The following RHBDL3 variants were observed in gnomAD, a reference collection of about 807,000 sequenced individuals.
RHBDL3 encodes the protein rhomboid-related protein 3.
Under a neutral mutation model 48.2 loss-of-function variants are expected in RHBDL3, and 28 were observed. That is an observed-to-expected ratio of 0.58 (90% CI 0.43 to 0.80). RHBDL3 has a LOEUF of 0.80. Among genes scored for constraint, RHBDL3 ranks in the 30% least tolerant of loss-of-function variants. The pLI is 0.00. For missense variants in RHBDL3, 464 were observed against 542.7 expected, an observed-to-expected ratio of 0.85 and a Z score of 1.44; for synonymous variants, 208 against 232.3, an observed-to-expected ratio of 0.90 and a Z score of 0.95.
At chr17:32,293,505 C>T (rs144118705) in intron 4 of RHBDL3, among the ~76,000 whole-genome samples, 2,429 of 151,524 alleles carry the variant, frequency 0.016, 65 homozygotes, top group African/African-American at 0.056. Context: ...TCGCTTGAAC[C>T]CGGGAGGCGG....
intron 2 of RHBDL3, among the ~76,000 whole-genome samples, chr17:32,272,490 A>G (rs12944129): frequency 0.024 from 3,601 of 152,258 alleles, 128 homozygotes; most frequent in African/African-American, 0.082. Context: ...AGAACTCACA[A>G]TTAACCAGCA....
intron 7 of RHBDL3, among the ~76,000 whole-genome samples, chr17:32,309,547 T>C (rs2040790994): frequency 6.6e-6 from 1 of 151,892 alleles, no homozygotes; most frequent in Admixed American, 6.6e-5. Flanking sequence ...AGCGAAACTC[T>C]GTCTCAAAAA....
chr17:32,277,560 C>T (rs1454343191), intron 2 of RHBDL3, among the ~76,000 whole-genome samples: 1 of 152,246 alleles, frequency 6.6e-6, no homozygotes, highest in East Asian at 1.9e-4. Flanking sequence ...TCAGCCTCTT[C>T]TGAGGCCTGG....
At chr17:32,277,292 G>A (rs2039935922) in intron 2 of RHBDL3, among the ~76,000 whole-genome samples, 1 of 152,250 alleles carries the variant, frequency 6.6e-6, no homozygotes, top group African/African-American at 2.4e-5. Flanking sequence ...GACCAGACGT[G>A]TGTTTGCCCT....
chr17:32,272,988 A>G (rs1567761046), intron 2 of RHBDL3, among the ~76,000 whole-genome samples: 5 of 151,994 alleles, frequency 3.3e-5, no homozygotes, highest in Admixed American at 2.6e-4. Flanking sequence ...CAGTCTGCTC[A>G]TTTTGTTTTT....
chr17:32,266,168 G>T lies in RHBDL3; in HGVS notation c.-22G>T. 9.4e-7 allele frequency: 1 copy of T among 1,066,264 alleles called. No individual in the cohort carries two copies. The highest frequency in any genetic ancestry group is 1.2e-6 in the Non-Finnish European group (1 of 851,482). 66.1% of individuals were successfully genotyped at this position (1,066,264 alleles called of 1,614,324 possible). A position where few individuals can be genotyped will look rare whatever the true frequency, so the allele number is the denominator to read the frequency against. ...CGGGACGAGCCCCGCAGCCGCCGCC[G>T]CCCCCGGACCCCGTCTCGGCCATGG... On this transcript the variant is annotated 5_prime_UTR_variant, in exon 1 of 9. Transcript: ENST00000269051.
chr17:32,282,226 T>C (rs1340066452), intron 2 of RHBDL3, among the ~76,000 whole-genome samples: 1 of 152,210 alleles, frequency 6.6e-6, no homozygotes, highest in Non-Finnish European at 1.5e-5. Context: ...ATGTCATCCA[T>C]GAAACCTGGC....
chr17:32,294,392 G>A lies in RHBDL3; in HGVS notation c.618G>A (p.Gln206=), dbSNP rs900637169. Residue 206 remains glutamine, a synonymous_variant, in exon 5 of 9, where the codon CAG becomes CAA. Coordinates refer to ENST00000269051, the MANE Select transcript of RHBDL3 (RefSeq NM_138328.3). ...YLKNSLVYHP[Q]LRAQVWRYLT... The stretch of plus-strand genomic sequence containing the variant: ...AGAACTCCCTGGTTTACCACCCACA[G>A]CTGCGAGCACAGGTTTGGCGCTACC... 1.2e-6 allele frequency: 2 copies of A among 1,614,060 alleles called. No homozygotes were observed. The highest frequency in any genetic ancestry group is 2.7e-5 in the African/African-American group (2 of 74,928).
chr17:32,287,558 G>C (rs1449746969), intron 3 of RHBDL3, among the ~76,000 whole-genome samples: 1 of 152,128 alleles, frequency 6.6e-6, no homozygotes, highest in Non-Finnish European at 1.5e-5. Context: ...GAGGTGGGGG[G>C]ACCCTATAGA....
chr17:32,321,463 A>C lies in RHBDL3; in HGVS notation c.*234A>C. ...CGTTTTTCTCGGCTGCTCTGATGAC[A>C]TCGGGCCAGGGTGAAGGTCTGGGGT... On this transcript the variant is annotated 3_prime_UTR_variant, in exon 9 of 9. Transcript: ENST00000269051. The C allele has an allele frequency of 2.4e-6, 3 of 1,224,696 alleles. No individual in the cohort carries two copies. The highest frequency in any genetic ancestry group is 2.2e-6 in the Non-Finnish European group (2 of 889,036). 75.9% of individuals were successfully genotyped at this position (1,224,696 alleles called of 1,614,324 possible).
chr17:32,305,239 TC>T (rs1597672729), intron 6 of RHBDL3, 101 bp from the exon 7 acceptor site: 11 of 786,202 alleles, frequency 1.4e-5, no homozygotes, highest in Middle Eastern at 2.3e-4. Context: ...AGCGTCTTGC[TC>T]TGGAGTCTTA....
intron 7 of RHBDL3, among the ~76,000 whole-genome samples, chr17:32,307,691 G>A (rs1208714112): frequency 1.3e-5 from 2 of 152,172 alleles, no homozygotes; most frequent in Non-Finnish European, 2.9e-5. Flanking sequence ...GTGTGTGCAG[G>A]TGTGTTTGCA....
At chr17:32,298,945 A>C (rs939179483) in intron 6 of RHBDL3, among the ~76,000 whole-genome samples, 4 of 151,964 alleles carry the variant, frequency 2.6e-5, no homozygotes, top group Non-Finnish European at 5.9e-5. Flanking sequence ...AGGTGGGTGA[A>C]GTTAGCTGGG....
intron 7 of RHBDL3, among the ~76,000 whole-genome samples, chr17:32,315,990 T>C (rs2040964051): frequency 6.6e-6 from 1 of 152,028 alleles, no homozygotes; most frequent in Non-Finnish European, 1.5e-5. Context: ...ACAGGGCCTC[T>C]CCTCTTCCTA....
chr17:32,267,700 C>G, intron 1 of RHBDL3: 1 of 1,085,800 alleles, frequency 9.2e-7, no homozygotes, highest in South Asian at 2.5e-5. Flanking sequence ...TTTCCTCCCT[C>G]TGCTCAGTGT....
At chr17:32,271,672 G>A (rs987316008) in intron 2 of RHBDL3, among the ~76,000 whole-genome samples, 2 of 152,180 alleles carry the variant, frequency 1.3e-5, no homozygotes, top group African/African-American at 4.8e-5. Flanking sequence ...GAACAAAAGA[G>A]TTTGGAGCAG....
chr17:32,267,121 G>T (rs953853879), intron 1 of RHBDL3, among the ~76,000 whole-genome samples: 1 of 152,174 alleles, frequency 6.6e-6, no homozygotes, highest in Non-Finnish European at 1.5e-5. Context: ...CCCTCAGGGT[G>T]GGGAGATGGA....
At chr17:32,314,087 T>C (rs922371127) in intron 7 of RHBDL3, among the ~76,000 whole-genome samples, 7 of 151,988 alleles carry the variant, frequency 4.6e-5, no homozygotes, top group African/African-American at 1.5e-4. Flanking sequence ...TGTATGTATA[T>C]ATCAGCAGGT....
At chr17:32,268,883 G>A (rs545737174) in intron 2 of RHBDL3, among the ~76,000 whole-genome samples, 8 of 152,196 alleles carry the variant, frequency 5.3e-5, no homozygotes, top group African/African-American at 1.4e-4. Context: ...AATGGGCTAC[G>A]GGGATGAGGG....
Sources: allele counts gnomAD v4.1 joint callset (sites outside exome capture counted in the v4.1 genomes callset), GRCh38; gene constraint gnomAD v4.1.1; transcripts MANE v1.5; gene names NCBI Gene and HGNC (gene_info 2026-07-23, HGNC 2026-07-21).